FAAH2: variants seen among roughly 807,000 people sequenced by gnomAD.
FAAH2 encodes the protein fatty-acid amide hydrolase 2.
Under a neutral mutation model 36.9 loss-of-function variants are expected in FAAH2, and 60 were observed. The observed-to-expected ratio is 1.63, with a 90% CI of 1.32 to 2.02. The LOEUF (loss-of-function observed/expected upper bound fraction) is 2.02, where lower values mean the gene tolerates loss of function less well. Among genes scored for constraint, FAAH2 ranks in the 30% most tolerant of loss-of-function variants. FAAH2 has a pLI of 0.00. For synonymous variants in FAAH2, 214 were observed against 143.8 expected (o/e 1.49, Z -3.49); for missense variants, 689 against 397.5 (o/e 1.73, Z -6.23).
chrX:57,279,422 G>T, the FAAH2 span, among the ~76,000 whole-genome samples: 1 of 111,936 alleles, frequency 8.9e-6, no homozygotes, highest in Non-Finnish European at 1.9e-5. Context: ...TGGACACAGG[G>T]AAGGGAACAT....
chrX:57,429,873 T>C (rs1047051767), intron 7 of FAAH2, among the ~76,000 whole-genome samples: 6 of 111,713 alleles, frequency 5.4e-5, no homozygotes, highest in Non-Finnish European at 1.1e-4. Flanking sequence ...AGTCATTTTT[T>C]TTTTTCCAGC....
At chrX:57,339,072 A>G (rs1227503091) in intron 4 of FAAH2, among the ~76,000 whole-genome samples, 1 of 111,391 alleles carries the variant, frequency 9.0e-6, no homozygotes, top group African/African-American at 3.3e-5. Context: ...AAACACATAG[A>G]CCAATGGAGT....
chrX:57,328,063 G>T (rs962706301), intron 3 of FAAH2, among the ~76,000 whole-genome samples: 3 of 112,188 alleles, frequency 2.7e-5, no homozygotes, highest in African/African-American at 6.5e-5. Context: ...TAACGGTCAG[G>T]ACCTTCAGCT....
chrX:57,446,136 A>G (rs1356393541), intron 8 of FAAH2, among the ~76,000 whole-genome samples: 1 of 112,353 alleles, frequency 8.9e-6, no homozygotes, highest in East Asian at 2.8e-4. Flanking sequence ...CATTCACTTT[A>G]CTCACCATCC....
chrX:57,144,882 CTATA>C, the FAAH2 span, among the ~76,000 whole-genome samples: 8 of 103,556 alleles, frequency 7.7e-5, no homozygotes, highest in African/African-American at 1.1e-4. Context: ...TAGTATTCCA[CTATA>C]TATATATATA....
intron 7 of FAAH2, among the ~76,000 whole-genome samples, chrX:57,420,080 C>T (rs1286459063): frequency 9.0e-6 from 1 of 111,457 alleles, no homozygotes. Flanking sequence ...TGATATATAT[C>T]TCTGTTTTGG....
At chrX:57,328,145 A>G (rs745696998) in intron 3 of FAAH2, among the ~76,000 whole-genome samples, 1 of 112,115 alleles carries the variant, frequency 8.9e-6, no homozygotes, top group Non-Finnish European at 1.9e-5. Flanking sequence ...CAGAGGCTGC[A>G]AAACAGCGAA....
chrX:57,208,196 C>A, the FAAH2 span, among the ~76,000 whole-genome samples: 627 of 112,211 alleles, frequency 5.6e-3, 5 homozygotes, highest in African/African-American at 0.019. Flanking sequence ...GAGGGTCAGG[C>A]CACTCTTTTT....
intron 7 of FAAH2, among the ~76,000 whole-genome samples, chrX:57,391,503 G>C (rs929507196): frequency 1.8e-5 from 2 of 110,331 alleles, no homozygotes; most frequent in Non-Finnish European, 3.8e-5. Context: ...TGAGAGAGAG[G>C]GGTCCAGTTT....
intron 10 of FAAH2, among the ~76,000 whole-genome samples, chrX:57,484,684 A>T (rs892754279): frequency 2.6e-4 from 29 of 111,345 alleles, no homozygotes; most frequent in African/African-American, 9.5e-4. Context: ...CGTGGAAGTG[A>T]GAGGTCTGCC....
At chrX:57,190,344 G>T in the FAAH2 span, among the ~76,000 whole-genome samples, 42 of 109,241 alleles carry the variant, frequency 3.8e-4, no homozygotes, top group Middle Eastern at 9.4e-3. Flanking sequence ...CTGTGGGAGT[G>T]GGACTCACTG....
At chrX:57,279,860 T>A in the FAAH2 span, among the ~76,000 whole-genome samples, 11 of 111,626 alleles carry the variant, frequency 9.9e-5, no homozygotes, top group African/African-American at 3.6e-4. Context: ...ATGAGTCACT[T>A]ATGACAAACT....
chrX:57,192,077 A>T, the FAAH2 span, among the ~76,000 whole-genome samples: 4 of 112,021 alleles, frequency 3.6e-5, no homozygotes, highest in African/African-American at 1.3e-4. Flanking sequence ...TGGACATTTT[A>T]ACAATATTGG....
rs766095656 is a variant in FAAH2 at position 57,323,461 on chromosome X, G to T, written c.413-8137G>T. On this transcript the variant is annotated intron_variant, in intron 3 of 10. Transcript: ENST00000374900. Reference sequence around the variant, plus strand: ...TTACAGTCCCACCAACATTGTAAAAGTGTTCCTATTACTCCACATCCTCTC... The same window carrying T: ...TTACAGTCCCACCAACATTGTAAAATTGTTCCTATTACTCCACATCCTCTC... Among the ~76,000 whole-genome samples the T allele has an allele frequency of 9.8e-5, 11 of 111,685 alleles. No homozygotes were observed. The South Asian group carries it at 2.6e-3, about 27-fold the overall frequency.
chrX:57,367,536 CA>C (rs754197508), intron 5 of FAAH2, among the ~76,000 whole-genome samples: 93 of 112,279 alleles, frequency 8.3e-4, no homozygotes, highest in African/African-American at 2.9e-3. Flanking sequence ...AAAACAAGGG[CA>C]AAAACAATGA....
At chrX:57,299,722 A>C (rs2052280390) in intron 2 of FAAH2, among the ~76,000 whole-genome samples, 1 of 111,969 alleles carries the variant, frequency 8.9e-6, no homozygotes, top group South Asian at 3.8e-4. Flanking sequence ...ATCTCAGCCC[A>C]AAATCTCCTT....
In FAAH2 at chrX:57,477,914, G is replaced by T. The variant is rs142424816; in HGVS notation, c.1424-10843G>T. ...TGTTGGACATTTGGGTTGGTTCCAA[G>T]TCTTTGCTACTGTGAATAGTGCCAC... is the stretch of plus-strand genomic sequence containing the variant. On this transcript the variant is annotated intron_variant, in intron 10 of 10. Coordinates refer to ENST00000374900, the MANE Select transcript of FAAH2 (RefSeq NM_174912.4). Among the ~76,000 whole-genome samples the T allele has an allele frequency of 2.2e-4, 25 of 111,897 alleles. 1 individual carries two copies. In the East Asian group the frequency reaches 6.8e-3, roughly 30 times the overall value.
intron 6 of FAAH2, 116 bp downstream of exon 6, chrX:57,378,902 TTTATGAGAGAGCCTTTATA>T (rs1390798752): frequency 3.4e-6 from 3 of 873,594 alleles, no homozygotes; most frequent in Non-Finnish European, 4.8e-6. Flanking sequence ...TTTACAGGTT[TTTATGAGAGAGCCTTTATA>T]TACTTATATA....
At chrX:57,452,370 T>A in intron 10 of FAAH2, 1 of 732,774 alleles carries the variant, frequency 1.4e-6, no homozygotes, top group Non-Finnish European at 1.6e-6. Context: ...ATGCCAGTCA[T>A]TAACAATTGA....
Sources: allele counts gnomAD v4.1 joint callset (sites outside exome capture counted in the v4.1 genomes callset), GRCh38; gene constraint gnomAD v4.1.1; transcripts MANE v1.5; gene names NCBI Gene and HGNC (gene_info 2026-07-23, HGNC 2026-07-21).